GABRB2: variants seen among roughly 807,000 people sequenced by gnomAD.
GABRB2 encodes the protein gamma-aminobutyric acid receptor subunit beta-2.
Under a neutral mutation model 54.7 loss-of-function variants are expected in GABRB2, and 16 were observed. The observed-to-expected ratio is 0.29, with a 90% CI of 0.20 to 0.44. The LOEUF is 0.44. GABRB2 is among the 20% of genes least tolerant of loss of function. GABRB2 has a pLI of 1.00. For synonymous variants in GABRB2, 244 were observed against 233.8 expected (o/e 1.04, Z -0.40); for missense variants, 355 against 644.0 (o/e 0.55, Z 4.86).
chr5:161,435,915 A>C (rs548369656), intron 4 of GABRB2, among the ~76,000 whole-genome samples: 18 of 152,324 alleles, frequency 1.2e-4, no homozygotes, highest in Non-Finnish European at 2.2e-4. Flanking sequence ...AGGAGCTATA[A>C]CTAATAAAGC....
rs368550370 is a variant in GABRB2, at chr5:161,473,069, T to C, written c.238-13225A>G. Among the ~76,000 whole-genome samples, 172 of 152,060 alleles carry C rather than the reference T, an allele frequency of 1.1e-3. No individual in the cohort carries two copies. In the Middle Eastern group the frequency reaches 0.02, roughly 18 times the overall value. On this transcript the variant is annotated intron_variant, in intron 3 of 9. Transcript: ENST00000393959. Reference sequence around the variant, plus strand: ...AATTTATCAAGTTATCAAGCCTAATTTTGAAAAATGAAAAGCTTATTATTT... The same window carrying C: ...AATTTATCAAGTTATCAAGCCTAATCTTGAAAAATGAAAAGCTTATTATTT...
intron 3 of GABRB2, among the ~76,000 whole-genome samples, chr5:161,531,203 T>C (rs1396692883): frequency 2.0e-5 from 3 of 152,162 alleles, no homozygotes. Context: ...TATTTAAAAC[T>C]CTTTTAACAT....
At position 161,294,262 on chromosome 5, in the gene GABRB2, C is replaced by G; in HGVS notation, c.1358G>C (p.Arg453Pro). The change falls in exon 10 of 10, where the codon CGA (arginine) becomes CCA (proline). Residue 453 changes from arginine to proline, a missense_variant. By Grantham distance (103) the Arg-to-Pro change is moderately radical. Around this residue, in one of 6 missense-constraint regions of GABRB2, gnomAD observed 201 missense variants for 228.1 expected, o/e 0.88. Transcript: ENST00000393959. The stretch of plus-strand genomic sequence containing the variant: ...CGCCACATGTCGTTCCAGAGCATTT[C>G]GGCCAAAACTATGCCTGGGCAACCC... The part of the protein sequence containing the change: ...KAGLPRHSFG[R>P]NALERHVAQK... 3 of 1,614,142 alleles carry G rather than the reference C, an allele frequency of 1.9e-6. No homozygotes were observed. The highest frequency in any genetic ancestry group is 2.5e-6 in the Non-Finnish European group (3 of 1,180,000).
At chr5:161,513,232 T>C (rs1759834455) in intron 3 of GABRB2, among the ~76,000 whole-genome samples, 1 of 151,798 alleles carries the variant, frequency 6.6e-6, no homozygotes, top group South Asian at 2.1e-4. Flanking sequence ...ACCAAATTGT[T>C]AAAATAATAA....
intron 3 of GABRB2, among the ~76,000 whole-genome samples, chr5:161,525,286 C>G (rs1377495287): frequency 1.3e-5 from 2 of 151,296 alleles, no homozygotes; most frequent in Admixed American, 6.6e-5. Flanking sequence ...TAAGCATGAT[C>G]ATCAAGATCA....
intron 3 of GABRB2, among the ~76,000 whole-genome samples, chr5:161,469,236 G>T (rs140984333): frequency 0.01 from 1,590 of 151,802 alleles, 26 homozygotes; most frequent in African/African-American, 0.035. Context: ...TATAAAACTA[G>T]TATCTAACAT....
intron 5 of GABRB2, among the ~76,000 whole-genome samples, chr5:161,340,366 G>T (rs1264654756): frequency 6.6e-6 from 1 of 151,928 alleles, no homozygotes; most frequent in African/African-American, 2.4e-5. Context: ...GGCTGGTGTT[G>T]GTTTATATAA....
At chr5:161,483,082 A>G (rs551519954) in intron 3 of GABRB2, among the ~76,000 whole-genome samples, 1 of 152,170 alleles carries the variant, frequency 6.6e-6, no homozygotes, top group Admixed American at 6.6e-5. Context: ...CCTACAGCAA[A>G]GAAATTTCTT....
intron 4 of GABRB2, among the ~76,000 whole-genome samples, chr5:161,450,197 C>G (rs1191750712): frequency 6.6e-6 from 1 of 152,110 alleles, no homozygotes; most frequent in Admixed American, 6.6e-5. Context: ...ATCCCCTTCA[C>G]AACTTTGGTT....
intron 5 of GABRB2, among the ~76,000 whole-genome samples, chr5:161,407,732 A>G (rs1256329432): frequency 6.6e-6 from 1 of 152,064 alleles, no homozygotes; most frequent in Non-Finnish European, 1.5e-5. Flanking sequence ...AAATATGGTG[A>G]GTTGCCTCTG....
At chr5:161,390,794 C>A (rs1175994105) in intron 5 of GABRB2, among the ~76,000 whole-genome samples, 2 of 152,100 alleles carry the variant, frequency 1.3e-5, no homozygotes, top group Admixed American at 6.6e-5. Context: ...CAAATCTTTG[C>A]ATCTAGTCTC....
chr5:161,504,693 T>C (rs1402696264), intron 3 of GABRB2, among the ~76,000 whole-genome samples: 2 of 136,256 alleles, frequency 1.5e-5, no homozygotes, highest in African/African-American at 5.5e-5. Flanking sequence ...AAATAATAAA[T>C]ATGAGTAAAA....
At chr5:161,394,976 C>A (rs549837295) in intron 5 of GABRB2, among the ~76,000 whole-genome samples, 4 of 152,224 alleles carry the variant, frequency 2.6e-5, no homozygotes, top group African/African-American at 9.6e-5. Flanking sequence ...AATATCACAT[C>A]TAACATCATG....
intron 3 of GABRB2, among the ~76,000 whole-genome samples, chr5:161,484,834 C>T (rs1758869463): frequency 1.3e-5 from 2 of 151,966 alleles, no homozygotes; most frequent in Non-Finnish European, 2.9e-5. Flanking sequence ...CTAAAGACAG[C>T]TTCCCAAAAG....
At chr5:161,358,923 T>C (rs1035117971) in intron 5 of GABRB2, among the ~76,000 whole-genome samples, 4 of 152,210 alleles carry the variant, frequency 2.6e-5, no homozygotes, top group African/African-American at 9.6e-5. Flanking sequence ...ATTTAAAGTG[T>C]GAGCAGTCAC....
chr5:161,306,635 G>T (rs1352200962), intron 9 of GABRB2, among the ~76,000 whole-genome samples: 3 of 152,138 alleles, frequency 2.0e-5, no homozygotes, highest in Non-Finnish European at 4.4e-5. Flanking sequence ...TTTGGTTCTT[G>T]AATAGCAGGG....
chr5:161,327,967 A>G (rs2113392368), intron 8 of GABRB2, among the ~76,000 whole-genome samples: 1 of 152,288 alleles, frequency 6.6e-6, no homozygotes, highest in Non-Finnish European at 1.5e-5. Context: ...ATCAGGAGCA[A>G]TGTGGACCTC....
intron 5 of GABRB2, among the ~76,000 whole-genome samples, chr5:161,398,678 TG>T (rs112462705): frequency 0.034 from 5,031 of 146,148 alleles, 254 homozygotes; most frequent in African/African-American, 0.12. Context: ...CTGTTTTTTT[TG>T]TTGTTGTTGT....
intron 3 of GABRB2, 71 bp downstream of exon 3, chr5:161,545,156 G>C: frequency 8.5e-7 from 1 of 1,177,274 alleles, no homozygotes; most frequent in Non-Finnish European, 1.2e-6. Context: ...ACCCCCAATA[G>C]CTGGCTCATT....
Sources: gnomAD v4.1 joint callset for allele counts (sites outside exome capture counted in the v4.1 genomes callset) on GRCh38, gnomAD v4.1.1 for gene constraint, gnomAD v4.1.1 regional missense constraint, MANE v1.5 for transcripts, NCBI Gene and HGNC (gene_info 2026-07-23, HGNC 2026-07-21) for gene names.